FDPS: variants seen among roughly 807,000 people sequenced by gnomAD.
FDPS encodes the protein farnesyl diphosphate synthase, also known as farnesyl pyrophosphate synthase.
FDPS carries 29 observed loss-of-function variants against 49.5 expected under a neutral mutation model. That is an observed-to-expected ratio of 0.59 (90% CI 0.44 to 0.80). FDPS has a LOEUF of 0.80. Among genes scored for constraint, FDPS ranks in the 30% least tolerant of loss-of-function variants. FDPS has a pLI of 0.00. For missense variants in FDPS, 414 were observed against 525.6 expected (o/e 0.79, Z 2.08); for synonymous variants, 172 against 206.4 (o/e 0.83, Z 1.43).
At position 155,318,516 on chromosome 1, in the gene FDPS, A is replaced by G; in HGVS notation, c.685-149A>G. Reference sequence around the variant, plus strand: ...GTGATAAAGGACTGTGTGTATGAATATGGGCCTTAAGTTTTGGGGCTTTCT... The same window carrying G: ...GTGATAAAGGACTGTGTGTATGAATGTGGGCCTTAAGTTTTGGGGCTTTCT... On this transcript the variant is annotated intron_variant, in intron 6 of 10. Transcript: ENST00000368356. This position sits in a 1 kb window ranked among gnomAD's most constrained non-coding sequence, Gnocchi z 4.2. 3 of 813,010 alleles carry G rather than the reference A, an allele frequency of 3.7e-6. No homozygotes were observed. In the South Asian group the frequency reaches 4.5e-5, roughly 12 times the overall value. 50.4% of individuals were successfully genotyped at this position (813,010 alleles called of 1,614,324 possible).
At chr1:155,309,572 G>GT (rs1648565551) in intron 1 of FDPS, 1 of 486,088 alleles carries the variant, frequency 2.1e-6, no homozygotes. Flanking sequence ...CCTGTTTATT[G>GT]TAAGTGGTGA....
chr1:155,318,715 C>A lies in FDPS; in HGVS notation c.735C>A (p.Pro245=), dbSNP rs748925909. 3.0e-5 allele frequency: 49 copies of A among 1,613,644 alleles called. No individual in the cohort carries two copies. Among genetic ancestry groups the A allele is most frequent in the Middle Eastern group, 1.6e-4 (1 of 6,084 alleles). The change falls in exon 7 of 11, where the codon CCC becomes CCA. Residue 245 remains proline (P), a synonymous_variant. Coordinates refer to ENST00000368356, the MANE Select transcript of FDPS (RefSeq NM_002004.4). The surrounding 1 kb of genome is among the most constrained non-coding windows in gnomAD (Gnocchi z 4.2). ...AGACCCTGGACCTCCTCACAGCCCC[C>A]CAGGGCAATGTGGATCTTGTCAGAT... ...IGQTLDLLTA[P]QGNVDLVRFT...
At chr1:155,315,237 TAA>T (rs1226192144) in intron 4 of FDPS, among the ~76,000 whole-genome samples, 1 of 152,218 alleles carries the variant, frequency 6.6e-6, no homozygotes, top group Non-Finnish European at 1.5e-5. Context: ...TAGGATGGGA[TAA>T]AGTCTTAAAA....
chr1:155,317,046 A>G (rs2148243607), intron 4 of FDPS: 1 of 152,256 alleles, frequency 6.6e-6, no homozygotes, highest in South Asian at 2.1e-4. Context: ...GGGCACTCAG[A>G]AGAGTAAGCC....
intron 8 of FDPS, 103 bp downstream of exon 8, chr1:155,319,031 G>T: frequency 2.4e-6 from 2 of 849,188 alleles, no homozygotes; most frequent in Non-Finnish European, 4.0e-6. Flanking sequence ...GTGAAAAACT[G>T]TGTGACCTTG....
chr1:155,315,214 C>G (rs1649203053), intron 4 of FDPS, among the ~76,000 whole-genome samples: 1 of 152,208 alleles, frequency 6.6e-6, no homozygotes, highest in African/African-American at 2.4e-5. Context: ...GGATCCACTA[C>G]AGCACACAGG....
rs764718495 is a variant in FDPS, at chr1:155,318,975, T to C, written c.846+47T>C. The C allele has an allele frequency of 9.9e-6, 14 of 1,417,320 alleles. No homozygotes were observed. Among genetic ancestry groups the C allele is most frequent in the Non-Finnish European group, 1.4e-5 (14 of 1,002,362 alleles). The allele number at this position is 1,417,320 out of a possible 1,614,324, so 87.8% of individuals were successfully genotyped here. Reference sequence around the variant, plus strand: ...TCTCTGCTCTGCTGATGGGGGCTTTTGGACAGCAAGGCATAGAGCAGAAAA... The same window carrying C: ...TCTCTGCTCTGCTGATGGGGGCTTTCGGACAGCAAGGCATAGAGCAGAAAA... On this transcript the variant is annotated intron_variant, in intron 8 of 10. Coordinates refer to ENST00000368356, the MANE Select transcript of FDPS (RefSeq NM_002004.4). The surrounding 1 kb of genome is among the most constrained non-coding windows in gnomAD (Gnocchi z 4.2).
At chr1:155,310,008 T>C in intron 2 of FDPS, 35 bp from the exon 3 acceptor site, 1 of 1,611,910 alleles carries the variant, frequency 6.2e-7, no homozygotes. Context: ...GGGGAGCAGC[T>C]GATCAGGTTT....
At chr1:155,311,502 G>A (rs1433836048) in intron 3 of FDPS, among the ~76,000 whole-genome samples, 1 of 152,088 alleles carries the variant, frequency 6.6e-6, no homozygotes. Flanking sequence ...AATGAAGGAG[G>A]CTTTTCATTT....
intron 4 of FDPS, among the ~76,000 whole-genome samples, chr1:155,315,506 C>T (rs1413138520): frequency 3.3e-5 from 5 of 151,942 alleles, no homozygotes; most frequent in Non-Finnish European, 7.4e-5. Context: ...GGTGAAACCC[C>T]GTCTCTACTA....
chr1:155,310,681 A>G (rs1648710159), intron 3 of FDPS, among the ~76,000 whole-genome samples: 1 of 152,140 alleles, frequency 6.6e-6, no homozygotes. Context: ...ATACTTACTC[A>G]GTCCATCAAC....
chr1:155,314,783 T>G (rs1391568316), intron 4 of FDPS, among the ~76,000 whole-genome samples: 1 of 151,802 alleles, frequency 6.6e-6, no homozygotes, highest in Non-Finnish European at 1.5e-5. Flanking sequence ...GCCTGGGTTT[T>G]TTTTTTTTTT....
At chr1:155,313,288 A>C (rs1648992548) in intron 4 of FDPS, among the ~76,000 whole-genome samples, 2 of 152,176 alleles carry the variant, frequency 1.3e-5, no homozygotes, top group Non-Finnish European at 2.9e-5. Context: ...CTTGTCTTCT[A>C]TACCAGTTCG....
chr1:155,318,481 G>C lies in FDPS; in HGVS notation c.685-184G>C. The C allele has an allele frequency of 1.2e-6, 1 of 828,070 alleles. No homozygotes were observed. The highest frequency in any genetic ancestry group is 2.5e-5 in the Admixed American group (1 of 40,342). The allele number at this position is 828,070 out of a possible 1,614,324, so 51.3% of individuals were successfully genotyped here. On this transcript the variant is annotated intron_variant, in intron 6 of 10. Transcript: ENST00000368356. The surrounding 1 kb of genome is among the most constrained non-coding windows in gnomAD (Gnocchi z 4.2). ...AAGGGCTTCTCTGTCCTGTGTAATTGGAAGAAAGGGTGATAAAGGACTGTG... is the reference window on the plus strand; with the variant it reads ...AAGGGCTTCTCTGTCCTGTGTAATTCGAAGAAAGGGTGATAAAGGACTGTG...
intron 3 of FDPS, among the ~76,000 whole-genome samples, chr1:155,311,849 T>C (rs1648831982): frequency 6.6e-6 from 1 of 152,088 alleles, no homozygotes; most frequent in Admixed American, 6.6e-5. Context: ...GGTGGGCACC[T>C]GTAATCCCAG....
chr1:155,311,488 A>T (rs961933379), intron 3 of FDPS, among the ~76,000 whole-genome samples: 1 of 152,166 alleles, frequency 6.6e-6, no homozygotes, highest in East Asian at 1.9e-4. Flanking sequence ...CTTTGTTTTA[A>T]TATAATGAAG....
chr1:155,311,806 C>G (rs967166092), intron 3 of FDPS, among the ~76,000 whole-genome samples: 8 of 152,002 alleles, frequency 5.3e-5, no homozygotes, highest in African/African-American at 9.7e-5. Flanking sequence ...AACTCTGTCT[C>G]TACTAAAAAT....
intron 3 of FDPS, among the ~76,000 whole-genome samples, chr1:155,311,927 G>A (rs1421765793): frequency 2.6e-5 from 4 of 152,094 alleles, no homozygotes; most frequent in African/African-American, 7.2e-5. Context: ...AGCCAAGATC[G>A]TGCCACTGCA....
At chr1:155,320,048 C>T in intron 10 of FDPS, 120 bp downstream of exon 10, 1 of 1,219,650 alleles carries the variant, frequency 8.2e-7, no homozygotes, top group Non-Finnish European at 1.2e-6. Context: ...CATTTTTTGC[C>T]ATTGTCATTA....
Sources: gnomAD v4.1 joint callset for allele counts (sites outside exome capture counted in the v4.1 genomes callset) on GRCh38, gnomAD v4.1.1 for gene constraint, Gnocchi (gnomAD v3.1) non-coding constraint, MANE v1.5 for transcripts, NCBI Gene and HGNC (gene_info 2026-07-23, HGNC 2026-07-21) for gene names.